The following INPP5A variants were observed in gnomAD, a reference collection of about 807,000 sequenced individuals.
INPP5A encodes inositol polyphosphate-5-phosphatase A, also known as 43 kDa inositol polyphosphate 5-phophatase.
In INPP5A, 14 loss-of-function variants were observed where a neutral mutation model predicts 65.2. The observed-to-expected ratio is 0.21, with a 90% confidence interval of 0.14 to 0.34. INPP5A has a LOEUF of 0.34. Among genes scored for constraint, INPP5A ranks in the 10% least tolerant of loss-of-function variants. The pLI is 1.00. For missense variants in INPP5A, 431 were observed against 545.6 expected, an observed-to-expected ratio of 0.79 and a Z score of 2.09; for synonymous variants, 207 against 208.3, an observed-to-expected ratio of 0.99 and a Z score of 0.05.
chr10:132,619,908 C>T (rs939793679), intron 2 of INPP5A, among the ~76,000 whole-genome samples: 1 of 152,250 alleles, frequency 6.6e-6, no homozygotes, highest in African/African-American at 2.4e-5. Flanking sequence ...ATTCACCCAC[C>T]TCAGGTGCTG....
intron 8 of INPP5A, among the ~76,000 whole-genome samples, chr10:132,725,276 G>T (rs1430091543): frequency 6.6e-6 from 1 of 152,202 alleles, no homozygotes. Flanking sequence ...GGTTCCACCC[G>T]CACTCAGTCA....
At chr10:132,720,395 GGCTGTCTTGCGGGTTCTGTGGT>G (rs1845846691) in intron 8 of INPP5A, among the ~76,000 whole-genome samples, 2 of 136,918 alleles carry the variant, frequency 1.5e-5, no homozygotes, top group East Asian at 4.1e-4. Flanking sequence ...CACCTTAGAC[GGCTGTCTTGCGGGTTCTGTGGT>G]ACCTGGGTTC....
intron 6 of INPP5A, among the ~76,000 whole-genome samples, chr10:132,701,824 G>A (rs1326888819): frequency 1.3e-5 from 2 of 152,250 alleles, no homozygotes; most frequent in East Asian, 3.8e-4. Context: ...GGGAGGCGGG[G>A]ACTTCAGTGC....
At chr10:132,577,485 G>C (rs1278425708) in intron 1 of INPP5A, among the ~76,000 whole-genome samples, 1 of 152,238 alleles carries the variant, frequency 6.6e-6, no homozygotes, top group Admixed American at 6.5e-5. Context: ...ACGGGACATG[G>C]CCATGAAAAC....
At chr10:132,623,346 A>T (rs1313523511) in intron 2 of INPP5A, among the ~76,000 whole-genome samples, 4 of 152,138 alleles carry the variant, frequency 2.6e-5, no homozygotes, top group African/African-American at 9.7e-5. Flanking sequence ...ACTCACACAT[A>T]CAGTTAGGAT....
chr10:132,767,325 GGTGGGAGCTGGAGGATGTGTCCTC>G lies in INPP5A; in HGVS notation c.977+1480_977+1503del, dbSNP rs1421387190. On this transcript the variant is annotated intron_variant, in intron 12 of 15. Transcript: ENST00000368594. ...CTGGAGGATGCGGCCTCGGAGCTTGGGTGGGAGCTGGAGGATGTGTCCTCAGCTTGGGGACACAGGCTTTCCTGA... is the reference window on the plus strand; with the variant it reads ...CTGGAGGATGCGGCCTCGGAGCTTGGAGCTTGGGGACACAGGCTTTCCTGA... Among the ~76,000 whole-genome samples the G allele has an allele frequency of 1.4e-3, 29 of 20,446 alleles. 7 individuals are homozygous for G. The highest frequency in any genetic ancestry group is 8.4e-3 in the Admixed American group (10 of 1,194). 13.4% of individuals were successfully genotyped at this position (20,446 alleles called of 152,430 possible).
Position 132,607,071 on chromosome 10 carries a change from G to A in INPP5A, c.76-844G>A, listed in dbSNP as rs984570337. On this transcript the variant is annotated intron_variant, in intron 1 of 15. Transcript: ENST00000368594. ...TGAGTGCTCGCGCTCAGCCTCGTCC[G>A]CGGTGACCTCCCTCCTCTTGGGTTT... Among the ~76,000 whole-genome samples, 9 of 152,212 alleles carry A rather than the reference G, an allele frequency of 5.9e-5. No homozygotes were observed. The South Asian group carries it at 6.2e-4, about 10-fold the overall frequency.
intron 9 of INPP5A, among the ~76,000 whole-genome samples, chr10:132,740,698 T>G (rs1477650114): frequency 6.6e-6 from 1 of 152,220 alleles, no homozygotes; most frequent in African/African-American, 2.4e-5. Context: ...TGTATAACCC[T>G]TCTTTATTTC....
chr10:132,746,418 A>AC (rs1363339576), intron 9 of INPP5A, among the ~76,000 whole-genome samples: 1 of 152,202 alleles, frequency 6.6e-6, no homozygotes, highest in Non-Finnish European at 1.5e-5. Flanking sequence ...GACCAACTGC[A>AC]CAGGTGCACA....
chr10:132,660,776 C>A (rs888877239), intron 4 of INPP5A, among the ~76,000 whole-genome samples: 3 of 152,170 alleles, frequency 2.0e-5, no homozygotes, highest in African/African-American at 7.2e-5. Context: ...GCAGTCAGAA[C>A]TGGGGGAAGA....
Position 132,538,046 on chromosome 10 carries a change from A to C in INPP5A, c.-51A>C, listed in dbSNP as rs2070861910. On this transcript the variant is annotated 5_prime_UTR_variant, in exon 1 of 16. Transcript: ENST00000368594. The surrounding 1 kb of genome is among the most constrained non-coding windows in gnomAD (Gnocchi z 4.1). ...ACCCCGGCCGGCCGGTCCCGGAGGA[A>C]GCGGCCGCCGCCGCCGCCGCCCAGC... 2.1e-6 allele frequency: 2 copies of C among 932,272 alleles called. No homozygotes were observed. The highest frequency in any genetic ancestry group is 9.9e-5 in the East Asian group (1 of 10,148). 57.7% of individuals were successfully genotyped at this position (932,272 alleles called of 1,614,324 possible). A position where few individuals can be genotyped will look rare whatever the true frequency, so the allele number is the denominator to read the frequency against.
In INPP5A at chr10:132,707,077, G is replaced by T. The variant is rs143994968; in HGVS notation, c.475-1236G>T. 5.2e-3 allele frequency among the ~76,000 whole-genome samples: 788 copies of T among 152,314 alleles called. 5 individuals carry two copies. The highest frequency in any genetic ancestry group is 0.018 in the African/African-American group (749 of 41,550). On this transcript the variant is annotated intron_variant, in intron 6 of 15. Coordinates refer to ENST00000368594, the MANE Select transcript of INPP5A (RefSeq NM_005539.5). The surrounding 1 kb of genome is among the most constrained non-coding windows in gnomAD (Gnocchi z 5.5). ...CTGCGCTCTCCGTGTTAGATAGAGG[G>T]AGCACGCCACGCTGGACCCTTTCTT...
At chr10:132,695,957 T>C (rs2134496304) in intron 5 of INPP5A, among the ~76,000 whole-genome samples, 1 of 152,104 alleles carries the variant, frequency 6.6e-6, no homozygotes, top group East Asian at 1.9e-4. Flanking sequence ...AAGGTGATGG[T>C]GTTAAGAGGC....
Position 132,545,828 on chromosome 10 carries a change from G to A in INPP5A, c.75+7657G>A, listed in dbSNP as rs983027504. Among the ~76,000 whole-genome samples, 2 of 152,224 alleles carry A rather than the reference G, an allele frequency of 1.3e-5. No homozygotes were observed. Among genetic ancestry groups the A allele is most frequent in the African/African-American group, 4.8e-5 (2 of 41,462 alleles). On this transcript the variant is annotated intron_variant, in intron 1 of 15. Coordinates refer to ENST00000368594, the MANE Select transcript of INPP5A (RefSeq NM_005539.5). This position sits in a 1 kb window ranked among gnomAD's most constrained non-coding sequence, Gnocchi z 4.6. ...GCGTTTTCCAAGCTCCCCCTGCTTTGTGGAGCTCTGAGCGCTGGCTCCAGG... is the reference window on the plus strand; with the variant it reads ...GCGTTTTCCAAGCTCCCCCTGCTTTATGGAGCTCTGAGCGCTGGCTCCAGG...
chr10:132,761,273 G>T (rs1846728212), intron 11 of INPP5A, among the ~76,000 whole-genome samples: 1 of 152,236 alleles, frequency 6.6e-6, no homozygotes, highest in African/African-American at 2.4e-5. Flanking sequence ...ATGTGAGAAA[G>T]AAAGCAAATG....
intron 4 of INPP5A, among the ~76,000 whole-genome samples, chr10:132,664,010 C>A (rs965311282): frequency 6.6e-6 from 1 of 152,212 alleles, no homozygotes; most frequent in African/African-American, 2.4e-5. Context: ...TATTGGTGAA[C>A]GAACTGAAAA....
intron 1 of INPP5A, among the ~76,000 whole-genome samples, chr10:132,591,170 GATTA>G (rs746534798): frequency 5.9e-5 from 9 of 152,214 alleles, no homozygotes; most frequent in South Asian, 2.1e-4. Flanking sequence ...ATTGCAAGAA[GATTA>G]ATTATCTGTG....
intron 4 of INPP5A, among the ~76,000 whole-genome samples, chr10:132,654,102 C>G (rs2072618194): frequency 6.6e-6 from 1 of 152,238 alleles, no homozygotes; most frequent in Non-Finnish European, 1.5e-5. Flanking sequence ...TCCAGTCACC[C>G]TCACGATGAG....
intron 7 of INPP5A, among the ~76,000 whole-genome samples, chr10:132,708,946 T>A (rs1221417385): frequency 6.6e-6 from 1 of 152,188 alleles, no homozygotes; most frequent in African/African-American, 2.4e-5. Flanking sequence ...CACATCTCAT[T>A]TGAATACTGT....
Sources: gnomAD v4.1 joint callset for allele counts (sites outside exome capture counted in the v4.1 genomes callset) on GRCh38, gnomAD v4.1.1 for gene constraint, Gnocchi (gnomAD v3.1) non-coding constraint, MANE v1.5 for transcripts, NCBI Gene and HGNC (gene_info 2026-07-23, HGNC 2026-07-21) for gene names.